RPRD1A: variants seen among roughly 807,000 people sequenced by gnomAD.
RPRD1A encodes regulation of nuclear pre-mRNA domain containing 1A, also known as regulation of nuclear pre-mRNA domain-containing protein 1A.
RPRD1A carries 9 observed loss-of-function variants against 37.8 expected under a neutral mutation model. The observed-to-expected ratio is 0.24, with a 90% CI of 0.14 to 0.42. The LOEUF (loss-of-function observed/expected upper bound fraction) is 0.42. RPRD1A is among the 10% of genes least tolerant of loss of function. The probability of loss-of-function intolerance (pLI) is 1.00; values close to 1 mark genes in which losing one functional copy is unlikely to be tolerated. For missense variants in RPRD1A, 255 were observed against 371.0 expected (o/e 0.69, Z 2.57); for synonymous variants, 138 against 139.7 (o/e 0.99, Z 0.08).
intron 6 of RPRD1A, among the ~76,000 whole-genome samples, chr18:36,018,615 A>G (rs1201930281): frequency 2.0e-5 from 3 of 151,992 alleles, no homozygotes; most frequent in Admixed American, 2.0e-4. Context: ...TAACACAAAC[A>G]CCTGAGTGCC....
intron 6 of RPRD1A, among the ~76,000 whole-genome samples, chr18:35,996,131 T>C (rs1314868712): frequency 2.6e-5 from 4 of 152,364 alleles, no homozygotes; most frequent in Middle Eastern, 3.4e-3. Flanking sequence ...TCAATATTGG[T>C]TCACTACTTA....
chr18:36,066,559 G>C (rs1390079584), intron 1 of RPRD1A, among the ~76,000 whole-genome samples: 1 of 152,156 alleles, frequency 6.6e-6, no homozygotes, highest in Non-Finnish European at 1.5e-5. Context: ...TTTAGTGACA[G>C]ACATCTCAAA....
chr18:36,045,654 A>G (rs999782578), intron 1 of RPRD1A, among the ~76,000 whole-genome samples: 1 of 152,260 alleles, frequency 6.6e-6, no homozygotes. Flanking sequence ...TGAAAGAATT[A>G]GACATTCGCA....
chr18:36,008,913 C>G (rs1026037664), intron 6 of RPRD1A, among the ~76,000 whole-genome samples: 4 of 152,036 alleles, frequency 2.6e-5, no homozygotes, highest in African/African-American at 7.2e-5. Context: ...CCAAACATTA[C>G]TTTGCTGATA....
intron 1 of RPRD1A, among the ~76,000 whole-genome samples, chr18:36,037,924 T>C (rs764319958): frequency 5.3e-5 from 8 of 152,136 alleles, no homozygotes; most frequent in Non-Finnish European, 8.8e-5. Flanking sequence ...GTGGAAGAAA[T>C]TTCTAGCCAG....
intron 6 of RPRD1A, among the ~76,000 whole-genome samples, chr18:35,996,258 A>C (rs547750276): frequency 6.6e-6 from 1 of 152,170 alleles, no homozygotes; most frequent in Admixed American, 6.5e-5. Context: ...TTATTCTAAA[A>C]TTAAAACTTT....
Position 36,031,116 on chromosome 18 carries a change from A to T in RPRD1A, c.282-19T>A. 6.6e-7 allele frequency: 1 copy of T among 1,520,232 alleles called. No individual in the cohort carries two copies. Among genetic ancestry groups the T allele is most frequent in the Non-Finnish European group, 8.8e-7 (1 of 1,139,574 alleles). The allele number at this position is 1,520,232 out of a possible 1,614,324, so 94.2% of individuals were successfully genotyped here. On this transcript the variant is annotated intron_variant, in intron 2 of 6. Coordinates refer to ENST00000399022, the MANE Select transcript of RPRD1A (RefSeq NM_018170.5). ...AGTTTCACTAAAAAAAAAAAAAAAG[A>T]AAAAAAGAAAAATGTTAACAGTAAC... is the stretch of plus-strand genomic sequence containing the variant.
At chr18:36,015,970 G>C (rs1008553800) in intron 6 of RPRD1A, among the ~76,000 whole-genome samples, 4 of 152,126 alleles carry the variant, frequency 2.6e-5, no homozygotes, top group African/African-American at 9.7e-5. Flanking sequence ...TATTTTACCT[G>C]AAGTTTTTTA....
At chr18:36,032,691 G>C (rs1911882912) in intron 2 of RPRD1A, among the ~76,000 whole-genome samples, 2 of 152,190 alleles carry the variant, frequency 1.3e-5, no homozygotes, top group South Asian at 4.1e-4. Flanking sequence ...GTGAGATATG[G>C]GGACTGAAGG....
At chr18:36,051,572 TTC>T (rs1913397774) in intron 1 of RPRD1A, among the ~76,000 whole-genome samples, 1 of 152,314 alleles carries the variant, frequency 6.6e-6, no homozygotes, top group African/African-American at 2.4e-5. Context: ...TCTACACACT[TTC>T]CAACATTCAT....
intron 6 of RPRD1A, 35 bp from the exon 7 acceptor site, chr18:35,993,335 G>C: frequency 6.2e-7 from 1 of 1,609,296 alleles, no homozygotes; most frequent in Middle Eastern, 1.7e-4. Flanking sequence ...AGCATTCAGG[G>C]ATTGAAAAAA....
Position 36,031,099 on chromosome 18 carries a change from T to TAA in RPRD1A, c.282-4_282-3dup, listed in dbSNP as rs377216293. 6.7e-4 allele frequency: 923 copies of TAA among 1,369,776 alleles called. No individual in the cohort carries two copies. The highest frequency in any genetic ancestry group is 2.5e-3 in the South Asian group (160 of 62,950). The allele number at this position is 1,369,776 out of a possible 1,614,324, so 84.9% of individuals were successfully genotyped here. A position where few individuals can be genotyped will look rare whatever the true frequency, so the allele number is the denominator to read the frequency against. ...TTCTTACAACTTTCATCAGTTTCAC[T>TAA]AAAAAAAAAAAAAAAGAAAAAAAGA... On this transcript the variant is annotated splice_polypyrimidine_tract_variant and splice_region_variant and intron_variant, in intron 2 of 6. Coordinates refer to ENST00000399022, the MANE Select transcript of RPRD1A (RefSeq NM_018170.5).
At chr18:36,033,512 G>A (rs905403336) in intron 2 of RPRD1A, among the ~76,000 whole-genome samples, 196 bp downstream of exon 2, 1 of 151,954 alleles carries the variant, frequency 6.6e-6, no homozygotes, top group African/African-American at 2.4e-5. Context: ...CTTAGCAACA[G>A]TTCAAAAAAT....
In RPRD1A at chr18:35,992,598, T is replaced by C. The variant is rs1030750071; in HGVS notation, c.*553A>G. ...CTGCCCCTCAAAGTGACATCCCTGT[T>C]TTATGTTAAATTACCGACCTCTAAG... On this transcript the variant is annotated 3_prime_UTR_variant, in exon 7 of 7. Transcript: ENST00000399022. The C allele has an allele frequency of 6.6e-6, 1 of 152,234 alleles. No homozygotes were observed. Among genetic ancestry groups the C allele is most frequent in the Admixed American group, 6.5e-5 (1 of 15,274 alleles). The allele number at this position is 152,234 out of a possible 1,614,324, so 9.4% of individuals were successfully genotyped here.
chr18:36,003,339 A>C (rs555688867), intron 6 of RPRD1A, among the ~76,000 whole-genome samples: 1 of 152,352 alleles, frequency 6.6e-6, no homozygotes, highest in Admixed American at 6.5e-5. Context: ...TAATAGCTAT[A>C]CTTGTTCAGT....
chr18:36,000,326 AT>A (rs369346216), intron 6 of RPRD1A, among the ~76,000 whole-genome samples: 5 of 152,074 alleles, frequency 3.3e-5, no homozygotes, highest in African/African-American at 1.2e-4. Context: ...TGGAGCTGTC[AT>A]TTTTTCCCCC....
chr18:36,066,736 T>C (rs909381350), intron 1 of RPRD1A, among the ~76,000 whole-genome samples: 6 of 152,252 alleles, frequency 3.9e-5, no homozygotes, highest in African/African-American at 1.2e-4. Context: ...ACTTGCCCAA[T>C]TGAGACCCTC....
At chr18:36,023,193 T>G (rs913574770) in intron 6 of RPRD1A, among the ~76,000 whole-genome samples, 4 of 152,230 alleles carry the variant, frequency 2.6e-5, no homozygotes, top group Admixed American at 2.0e-4. Flanking sequence ...CTGAAAACTT[T>G]CAGAAAATGA....
rs151164076 is a variant in RPRD1A, at chr18:36,001,126, CAA to C, written c.790-7828_790-7827del. Reference sequence around the variant, plus strand: ...AGGCCCCGTGATAAATTTTCTTAAACAAGAGTAATAGCAGCAACATAAACATA... The same window carrying C: ...AGGCCCCGTGATAAATTTTCTTAAACGAGTAATAGCAGCAACATAAACATA... On this transcript the variant is annotated intron_variant, in intron 6 of 6. Transcript: ENST00000399022. 5.3e-4 allele frequency among the ~76,000 whole-genome samples: 81 copies of C among 152,168 alleles called. No individual in the cohort carries two copies. The East Asian group carries it at 0.015, about 28-fold the overall frequency.
Sources: gnomAD v4.1 joint callset for allele counts (sites outside exome capture counted in the v4.1 genomes callset) on GRCh38, gnomAD v4.1.1 for gene constraint, MANE v1.5 for transcripts, NCBI Gene and HGNC (gene_info 2026-07-23, HGNC 2026-07-21) for gene names.